Variants in MACROH2A1 observed in about 807,000 individuals in gnomAD.
MACROH2A1 encodes core histone macro-H2A.1.
In MACROH2A1, 2 loss-of-function variants were observed where a neutral mutation model predicts 31.6. The ratio of observed to expected loss-of-function variants is 0.06; its 90% CI spans 0.03 to 0.20. The LOEUF (loss-of-function observed/expected upper bound fraction) is 0.20. Ranked by LOEUF, MACROH2A1 falls within the 10% of genes least tolerant of loss-of-function variation. MACROH2A1 has a pLI of 1.00. For missense variants in MACROH2A1, 230 were observed against 474.0 expected (o/e 0.49, Z 4.78); for synonymous variants, 169 against 189.6 (o/e 0.89, Z 0.89).
intron 2 of MACROH2A1, among the ~76,000 whole-genome samples, chr5:135,373,222 G>A (rs1219209043): frequency 1.3e-5 from 2 of 152,122 alleles, no homozygotes; most frequent in African/African-American, 4.8e-5. Flanking sequence ...AGGAGGGGAG[G>A]GATGTGGTCT....
rs1409621078 is a variant in MACROH2A1, at chr5:135,343,423, C to T, written c.790G>A (p.Ala264Thr). Residue 264 changes from alanine (A) to threonine (T), a missense_variant, in exon 8 of 9, where the codon GCA becomes ACA. Physicochemically the swap from Ala to Thr is moderately conservative, Grantham distance 58. This residue lies in a region of MACROH2A1 where 183 missense variants were observed against 319.3 expected (regional missense o/e 0.57). Transcript: ENST00000511689. ...AACTTGGCAGGCAGGCCATGGCCTG[C>T]GCTGACAGCAGCTAGTGGTGCGGGG... ...PLEVAGAAVSAGHGLPAKFVI... is the reference protein window; with the variant it reads ...PLEVAGAAVSTGHGLPAKFVI... 12 of 1,613,898 alleles carry T rather than the reference C, an allele frequency of 7.4e-6. No homozygotes were observed. Among genetic ancestry groups the T allele is most frequent in the Admixed American group, 1.7e-5 (1 of 60,002 alleles).
chr5:135,336,889 G>A (rs1758816369), intron 8 of MACROH2A1, among the ~76,000 whole-genome samples: 1 of 152,170 alleles, frequency 6.6e-6, no homozygotes, highest in African/African-American at 2.4e-5. Context: ...TTTTTGGGGG[G>A]CATCTTTCCA....
intron 1 of MACROH2A1, among the ~76,000 whole-genome samples, chr5:135,389,689 A>G (rs1000962828): frequency 1.3e-5 from 2 of 152,026 alleles, no homozygotes; most frequent in Non-Finnish European, 2.9e-5. Context: ...TCTTTAGAGA[A>G]GAGAGAGAGA....
At chr5:135,339,679 C>T (rs138063617) in intron 8 of MACROH2A1, among the ~76,000 whole-genome samples, 38 of 152,322 alleles carry the variant, frequency 2.5e-4, no homozygotes, top group Non-Finnish European at 5.3e-4. Flanking sequence ...CTGTGGGCTG[C>T]TCTTAGGCCT....
At chr5:135,363,015 C>T (rs1000435093) in intron 4 of MACROH2A1, 2 of 152,054 alleles carry the variant, frequency 1.3e-5, no homozygotes, top group African/African-American at 4.8e-5. Flanking sequence ...GGTCCTGGCT[C>T]CCCCAACAGC....
intron 4 of MACROH2A1, chr5:135,360,859 TTTACAGTGATCA>T (rs1487618414): frequency 3.1e-6 from 2 of 646,784 alleles, no homozygotes; most frequent in Non-Finnish European, 5.6e-6. Flanking sequence ...AAAACTTCAC[TTTACAGTGATCA>T]TTTAGAATAG....
At chr5:135,370,711 G>A (rs543598023) in intron 2 of MACROH2A1, among the ~76,000 whole-genome samples, 1 of 152,292 alleles carries the variant, frequency 6.6e-6, no homozygotes, top group South Asian at 2.1e-4. Context: ...GTGTGTGTGT[G>A]GGGGGAGGTT....
intron 8 of MACROH2A1, among the ~76,000 whole-genome samples, chr5:135,337,206 T>C (rs1758881046): frequency 6.6e-6 from 1 of 152,236 alleles, no homozygotes; most frequent in South Asian, 2.1e-4. Context: ...AGTTGTCAGG[T>C]GGCCCGATGT....
chr5:135,368,290 A>G (rs567650617), intron 4 of MACROH2A1, among the ~76,000 whole-genome samples: 31 of 152,382 alleles, frequency 2.0e-4, no homozygotes, highest in Middle Eastern at 6.8e-3. Flanking sequence ...AGGAGAGGAC[A>G]TGCTGACAGG....
In MACROH2A1 at chr5:135,369,468, G is replaced by C; in HGVS notation, c.415C>G (p.Pro139Ala). ...TPPPAKKAKS[P>A]SQKKPVSKKA... ...TTAGATACAGGCTTCTTCTGGGATGGAGACTTGGCCTTTTTGGCTGGGGGT... is the reference window on the plus strand; with the variant it reads ...TTAGATACAGGCTTCTTCTGGGATGCAGACTTGGCCTTTTTGGCTGGGGGT... The change falls in exon 4 of 9, where the codon CCA becomes GCA. Residue 139 changes from proline to alanine, a missense_variant. By Grantham distance (27) the Pro-to-Ala change is conservative (BLOSUM62 -1). Transcript: ENST00000511689. The surrounding 1 kb of genome is among the most constrained non-coding windows in gnomAD (Gnocchi z 4.3). 1.2e-6 allele frequency: 2 copies of C among 1,614,160 alleles called. No individual in the cohort carries two copies. Among genetic ancestry groups the C allele is most frequent in the Non-Finnish European group, 1.7e-6 (2 of 1,180,024 alleles).
intron 2 of MACROH2A1, among the ~76,000 whole-genome samples, chr5:135,377,623 G>A (rs1323864462): frequency 6.6e-6 from 1 of 152,206 alleles, no homozygotes; most frequent in East Asian, 1.9e-4. Context: ...TCGCCCACTG[G>A]GAGCAGAATC....
intron 1 of MACROH2A1, among the ~76,000 whole-genome samples, chr5:135,396,468 G>A (rs940635434): frequency 3.3e-5 from 5 of 152,034 alleles, no homozygotes; most frequent in African/African-American, 7.2e-5. Context: ...ACCTGACTCC[G>A]CACCAGGACT....
chr5:135,338,282 C>T (rs753813016), intron 8 of MACROH2A1, among the ~76,000 whole-genome samples: 2 of 152,188 alleles, frequency 1.3e-5, no homozygotes, highest in African/African-American at 2.4e-5. Context: ...TTCCCGGAGT[C>T]ACACAGGATT....
intron 2 of MACROH2A1, among the ~76,000 whole-genome samples, chr5:135,388,434 A>C (rs1415892247): frequency 6.6e-6 from 1 of 152,224 alleles, no homozygotes; most frequent in Non-Finnish European, 1.5e-5. Flanking sequence ...TCCTGAAACC[A>C]ACCCAGATTG....
chr5:135,349,984 G>GCTC (rs1214196004), intron 6 of MACROH2A1, among the ~76,000 whole-genome samples: 1 of 151,772 alleles, frequency 6.6e-6, no homozygotes, highest in East Asian at 1.9e-4. Flanking sequence ...CTTCCACCTA[G>GCTC]CTCTAAAGCT....
Position 135,383,516 on chromosome 5 carries a change from T to C in MACROH2A1, c.172+5406A>G, listed in dbSNP as rs562372198. On this transcript the variant is annotated intron_variant, in intron 2 of 8. Transcript: ENST00000511689. ...ATGCACTTAAATATAGTCTGCACAC[T>C]GTGAGTACCCACTGGAGTTTCAACT... Among the ~76,000 whole-genome samples the C allele has an allele frequency of 2.0e-5, 3 of 152,318 alleles. No homozygotes were observed. The East Asian group carries it at 5.8e-4, about 29-fold the overall frequency.
At chr5:135,381,043 G>C (rs1000569368) in intron 2 of MACROH2A1, among the ~76,000 whole-genome samples, 1 of 152,118 alleles carries the variant, frequency 6.6e-6, no homozygotes, top group African/African-American at 2.4e-5. Flanking sequence ...AACAGATAAA[G>C]CAGAAAATAA....
intron 2 of MACROH2A1, among the ~76,000 whole-genome samples, chr5:135,383,697 TGTG>T (rs982439558): frequency 2.3e-5 from 3 of 131,576 alleles, no homozygotes; most frequent in Non-Finnish European, 4.6e-5. Flanking sequence ...TGTGATGTGG[TGTG>T]GTGTGTGTGT....
At chr5:135,335,420 TG>T in intron 8 of MACROH2A1, among the ~76,000 whole-genome samples, 1 of 152,040 alleles carries the variant, frequency 6.6e-6, no homozygotes, top group East Asian at 1.9e-4. Context: ...TGTTTTGTGG[TG>T]TGCATTAAGC....
Sources: allele counts gnomAD v4.1 joint callset (sites outside exome capture counted in the v4.1 genomes callset), GRCh38; gene constraint gnomAD v4.1.1; regional missense constraint gnomAD v4.1.1; non-coding constraint Gnocchi (gnomAD v3.1); transcripts MANE v1.5; gene names NCBI Gene and HGNC (gene_info 2026-07-23, HGNC 2026-07-21).